Variants in DPP6 observed in about 807,000 individuals in gnomAD.
The protein encoded by DPP6 is A-type potassium channel modulatory protein DPP6.
DPP6 carries 69 observed loss-of-function variants against 122.6 expected under a neutral mutation model. The ratio of observed to expected loss-of-function variants is 0.56; its 90% confidence interval spans 0.46 to 0.69. DPP6 has a LOEUF of 0.69. DPP6 is among the 30% of genes least tolerant of loss of function. The pLI is 0.00. For missense variants in DPP6, 928 were observed against 1,116.9 expected (o/e 0.83, Z 2.41); for synonymous variants, 418 against 433.1 (o/e 0.97, Z 0.43).
chr7:154,334,957 T>G (rs1809274478), intron 1 of DPP6, among the ~76,000 whole-genome samples: 1 of 152,162 alleles, frequency 6.6e-6, no homozygotes, highest in Non-Finnish European at 1.5e-5. Context: ...CAAGCCAAGC[T>G]TATTTCTGCC....
chr7:154,305,636 CAGAG>C (rs956399212), intron 1 of DPP6: 122 of 1,505,492 alleles, frequency 8.1e-5, no homozygotes, highest in Middle Eastern at 1.7e-4. Context: ...GAGACAGAGA[CAGAG>C]AGGGAGGATA....
Position 154,806,477 on chromosome 7 carries a change from A to G in DPP6, c.1548-517A>G, listed in dbSNP as rs568734085. ...GGGAAGCGCGAGCTCTCGAGGTTTC[A>G]CTCTGTCAGGGGATGTGGCTTTTGG... is the stretch of plus-strand genomic sequence containing the variant. On this transcript the variant is annotated intron_variant, in intron 15 of 25. Coordinates refer to ENST00000377770, the MANE Select transcript of DPP6 (RefSeq NM_130797.4). Among the ~76,000 whole-genome samples, 19 of 152,156 alleles carry G rather than the reference A, an allele frequency of 1.2e-4. No homozygotes were observed. In the South Asian group the frequency reaches 3.9e-3, roughly 32 times the overall value.
intron 1 of DPP6, among the ~76,000 whole-genome samples, chr7:154,169,818 C>T (rs906389654): frequency 6.6e-6 from 1 of 152,146 alleles, no homozygotes; most frequent in Non-Finnish European, 1.5e-5. Flanking sequence ...CCAACCTCTG[C>T]CTCCCGGGTT....
At chr7:154,684,118 C>T (rs1206037651) in intron 7 of DPP6, among the ~76,000 whole-genome samples, 2 of 152,160 alleles carry the variant, frequency 1.3e-5, no homozygotes, top group African/African-American at 2.4e-5. Context: ...ATCCTTCTAC[C>T]TCAACCTCCC....
intron 7 of DPP6, among the ~76,000 whole-genome samples, chr7:154,705,873 A>G (rs1242306982): frequency 6.6e-6 from 1 of 152,246 alleles, no homozygotes; most frequent in Non-Finnish European, 1.5e-5. Context: ...TGAGCTAGTG[A>G]TTACAGCAAC....
chr7:154,798,052 G>A (rs777302922), intron 12 of DPP6, among the ~76,000 whole-genome samples: 14 of 152,224 alleles, frequency 9.2e-5, no homozygotes, highest in Non-Finnish European at 2.1e-4. Flanking sequence ...GGTGAGGGAC[G>A]TGATTCTTTG....
chr7:154,359,232 G>A (rs1811524138), intron 1 of DPP6, among the ~76,000 whole-genome samples: 1 of 152,152 alleles, frequency 6.6e-6, no homozygotes, highest in Non-Finnish European at 1.5e-5. Context: ...GTCTCCATGT[G>A]CAATATCAGT....
At position 154,727,790 on chromosome 7, in the gene DPP6, C is replaced by T. The variant is rs61736428; in HGVS notation, c.786C>T (p.Ile262=). Residue 262 remains isoleucine, a synonymous_variant, in exon 8 of 26, where the codon ATC becomes ATT. Coordinates refer to ENST00000377770, the MANE Select transcript of DPP6 (RefSeq NM_130797.4). ...QQLIFIFENN[I]YYCAHVGKQA... ...AGATATTTATTTTTGAAAACAATAT[C>T]TACTACTGTGCACATGTCGGGAAAC... 6.2e-7 allele frequency: 1 copy of T among 1,613,472 alleles called. No homozygotes were observed. Among genetic ancestry groups the T allele is most frequent in the South Asian group, 1.1e-5 (1 of 90,954 alleles).
At chr7:153,806,498 TTCCA>T in the DPP6 span, among the ~76,000 whole-genome samples, 1 of 151,512 alleles carries the variant, frequency 6.6e-6, no homozygotes, top group South Asian at 2.1e-4. Flanking sequence ...GAGACTCAAT[TTCCA>T]GCTTCAGTCT....
chr7:154,294,115 T>C (rs2150968628), intron 1 of DPP6, among the ~76,000 whole-genome samples: 1 of 152,332 alleles, frequency 6.6e-6, no homozygotes, highest in Non-Finnish European at 1.5e-5. Flanking sequence ...GCTCATTCCT[T>C]TCACTGATGG....
In DPP6 at chr7:154,659,252, C is replaced by T. The variant is rs549308609; in HGVS notation, c.681-10108C>T. Among the ~76,000 whole-genome samples, 3 of 152,318 alleles carry T rather than the reference C, an allele frequency of 2.0e-5. No homozygotes were observed. In the East Asian group the frequency reaches 5.8e-4, roughly 29 times the overall value. ...GGATTGAGCCCATTTGTTTTTGCTA[C>T]AGAGTTCCATAGAGTAAACTTGTCC... On this transcript the variant is annotated intron_variant, in intron 6 of 25. Transcript: ENST00000377770.
chr7:154,214,135 A>G (rs1799876462), intron 1 of DPP6, among the ~76,000 whole-genome samples: 1 of 152,194 alleles, frequency 6.6e-6, no homozygotes, highest in Non-Finnish European at 1.5e-5. Context: ...TGTTTATTTG[A>G]GATGGTGACA....
chr7:153,843,501 A>G, the DPP6 span, among the ~76,000 whole-genome samples: 1 of 130,230 alleles, frequency 7.7e-6, no homozygotes, highest in Non-Finnish European at 1.6e-5. Flanking sequence ...GATAGTGAAA[A>G]CTGGGTCCGG....
chr7:154,682,024 A>G (rs1839311221), intron 7 of DPP6, among the ~76,000 whole-genome samples: 1 of 152,346 alleles, frequency 6.6e-6, no homozygotes, highest in Non-Finnish European at 1.5e-5. Flanking sequence ...AATGAATGCC[A>G]TCCAGAAGGG....
rs118166418 is a variant in DPP6, at chr7:154,624,869, G to A, written c.628-12952G>A. On this transcript the variant is annotated intron_variant, in intron 5 of 25. Coordinates refer to ENST00000377770, the MANE Select transcript of DPP6 (RefSeq NM_130797.4). This position sits in a 1 kb window ranked among gnomAD's most constrained non-coding sequence, Gnocchi z 4.7. ...CAGCGGCCCCGTCTTCCTCCCATCT[G>A]TGAGCATGCTTCAGGGCTGAGCATA... 3.2e-4 allele frequency among the ~76,000 whole-genome samples: 48 copies of A among 152,296 alleles called. No individual in the cohort carries two copies. In the East Asian group the frequency reaches 6.6e-3, roughly 21 times the overall value.
Position 154,833,587 on chromosome 7 carries a change from A to T in DPP6, c.1667-20193A>T, listed in dbSNP as rs1800805057. ...GGAGGGGATGCTGACATTGATGCTG[A>T]TGTCATCCGTCATTGTAGCTCCGAC... On this transcript the variant is annotated intron_variant, in intron 16 of 25. Coordinates refer to ENST00000377770, the MANE Select transcript of DPP6 (RefSeq NM_130797.4). This position sits in a 1 kb window ranked among gnomAD's most constrained non-coding sequence, Gnocchi z 4.3. 6.6e-6 allele frequency among the ~76,000 whole-genome samples: 1 copy of T among 152,118 alleles called. No homozygotes were observed. The highest frequency in any genetic ancestry group is 2.1e-4 in the South Asian group (1 of 4,824).
At chr7:154,628,074 G>A (rs1237322601) in intron 5 of DPP6, among the ~76,000 whole-genome samples, 6 of 152,160 alleles carry the variant, frequency 3.9e-5, no homozygotes, top group Admixed American at 3.9e-4. Flanking sequence ...GGAGCTGCAG[G>A]GTTTCTGAGC....
At chr7:153,977,563 C>CT (rs71520139) in intron 1 of DPP6, among the ~76,000 whole-genome samples, 10 of 152,050 alleles carry the variant, frequency 6.6e-5, no homozygotes, top group African/African-American at 1.2e-4. Flanking sequence ...CCTGATTTTA[C>CT]TTTTTTTATT....
Position 154,727,806 on chromosome 7 carries a change from G to C in DPP6, c.802G>C (p.Val268Leu). The C allele has an allele frequency of 6.2e-7, 1 of 1,613,844 alleles. No homozygotes were observed. The highest frequency in any genetic ancestry group is 1.1e-5 in the South Asian group (1 of 91,048). The part of the protein sequence containing the change: ...FENNIYYCAH[V>L]GKQAIRVVST... ...AAACAATATCTACTACTGTGCACAT[G>C]TCGGGAAACAGGCCATCCGTGTGGT... Residue 268 changes from valine to leucine, a missense_variant, in exon 8 of 26, where the codon GTC becomes CTC. By Grantham distance (32) the Val-to-Leu change is conservative. Transcript: ENST00000377770.
Sources: gnomAD v4.1 joint callset for allele counts (sites outside exome capture counted in the v4.1 genomes callset) on GRCh38, gnomAD v4.1.1 for gene constraint, Gnocchi (gnomAD v3.1) non-coding constraint, MANE v1.5 for transcripts, NCBI Gene and HGNC (gene_info 2026-07-23, HGNC 2026-07-21) for gene names.